The following AUTS2 variants were observed in gnomAD, a reference collection of about 807,000 sequenced individuals.
The protein encoded by AUTS2 is activator of transcription and developmental regulator AUTS2.
Under a neutral mutation model 112.4 loss-of-function variants are expected in AUTS2, and 17 were observed. That is an observed-to-expected ratio of 0.15 (90% CI 0.10 to 0.23). The LOEUF is 0.23. Ranked by LOEUF, AUTS2 falls within the 10% of genes least tolerant of loss-of-function variation. The pLI, the probability that AUTS2 is intolerant of heterozygous loss-of-function variation, is 1.00. For synonymous variants in AUTS2, 751 were observed against 702.7 expected (o/e 1.07, Z -1.09); for missense variants, 1,510 against 1,701.6 (o/e 0.89, Z 1.98).
At chr7:70,717,314 G>A (rs1354011967) in intron 6 of AUTS2, among the ~76,000 whole-genome samples, 1 of 152,086 alleles carries the variant, frequency 6.6e-6, no homozygotes, top group Non-Finnish European at 1.5e-5. Flanking sequence ...CGAAGTAGCT[G>A]GAACTACAGG....
chr7:70,500,913 GGGTT>G (rs1798748249), intron 5 of AUTS2, among the ~76,000 whole-genome samples: 1 of 151,922 alleles, frequency 6.6e-6, no homozygotes, highest in African/African-American at 2.4e-5. Context: ...AGTAGAGATG[GGGTT>G]TCACCATGTT....
intron 4 of AUTS2, among the ~76,000 whole-genome samples, chr7:70,151,402 A>AGT (rs1807432319): frequency 6.6e-6 from 1 of 152,162 alleles, no homozygotes; most frequent in African/African-American, 2.4e-5. Context: ...TCAAGTACAT[A>AGT]GTAGGGTCTT....
intron 2 of AUTS2, among the ~76,000 whole-genome samples, chr7:69,985,385 C>G (rs1002830106): frequency 6.6e-6 from 1 of 152,116 alleles, no homozygotes; most frequent in Non-Finnish European, 1.5e-5. Context: ...AGTGGTGGTA[C>G]AAACAACGGG....
chr7:69,738,000 T>C (rs1787106829), intron 1 of AUTS2, among the ~76,000 whole-genome samples: 1 of 152,190 alleles, frequency 6.6e-6, no homozygotes, highest in Admixed American at 6.5e-5. Flanking sequence ...CTCAAAATAC[T>C]GTGTTTATGG....
chr7:70,180,526 A>G (rs1809241063), intron 4 of AUTS2, among the ~76,000 whole-genome samples: 1 of 152,132 alleles, frequency 6.6e-6, no homozygotes. Context: ...TTTGTTTTTA[A>G]TTACAGTCAT....
In AUTS2 at chr7:69,892,741, A is replaced by G. The variant is rs1794582978; in HGVS notation, c.310-6545A>G. 1.3e-5 allele frequency among the ~76,000 whole-genome samples: 2 copies of G among 152,326 alleles called. 1 individual carries two copies. The highest frequency in any genetic ancestry group is 1.3e-4 in the Admixed American group (2 of 15,302). On this transcript the variant is annotated intron_variant, in intron 1 of 18. Transcript: ENST00000342771. ...TAGAAATTTTATGGTTTTAGGTTTT[A>G]CATTCAGGTTTATAATATAGTTTGT...
intron 4 of AUTS2, among the ~76,000 whole-genome samples, chr7:70,387,464 T>TA (rs1793664748): frequency 6.6e-6 from 1 of 152,216 alleles, no homozygotes; most frequent in African/African-American, 2.4e-5. Context: ...CCCACTCTTT[T>TA]ATCTGTCTAT....
chr7:69,897,958 ATG>A (rs1162219738), intron 1 of AUTS2, among the ~76,000 whole-genome samples: 1 of 152,176 alleles, frequency 6.6e-6, no homozygotes, highest in Non-Finnish European at 1.5e-5. Flanking sequence ...TTAAGGAGAA[ATG>A]AGTAAAAGGA....
At chr7:70,341,857 G>T (rs1436928682) in intron 4 of AUTS2, among the ~76,000 whole-genome samples, 1 of 152,218 alleles carries the variant, frequency 6.6e-6, no homozygotes, top group Non-Finnish European at 1.5e-5. Flanking sequence ...TGCAAGTTTG[G>T]CTGGAGAAGG....
chr7:70,089,017 A>G (rs1335952890), intron 2 of AUTS2, among the ~76,000 whole-genome samples: 1 of 152,176 alleles, frequency 6.6e-6, no homozygotes, highest in Non-Finnish European at 1.5e-5. Context: ...GACTCAGACT[A>G]TGGTCTGTCT....
At chr7:70,447,803 G>A (rs1330360837) in intron 5 of AUTS2, among the ~76,000 whole-genome samples, 1 of 152,234 alleles carries the variant, frequency 6.6e-6, no homozygotes, top group African/African-American at 2.4e-5. Context: ...AAGATGTTTT[G>A]TGATGAGCTT....
intron 6 of AUTS2, among the ~76,000 whole-genome samples, chr7:70,705,606 T>G (rs972205072): frequency 6.6e-6 from 1 of 152,146 alleles, no homozygotes; most frequent in Non-Finnish European, 1.5e-5. Flanking sequence ...AACTCAGAGG[T>G]GCTGTTCCAC....
intron 4 of AUTS2, among the ~76,000 whole-genome samples, chr7:70,178,777 C>A (rs995629201): frequency 6.6e-6 from 1 of 151,518 alleles, no homozygotes; most frequent in Non-Finnish European, 1.5e-5. Flanking sequence ...CCAACCTGGG[C>A]GACAGAGGGA....
chr7:70,705,313 A>G (rs191690647), intron 6 of AUTS2, among the ~76,000 whole-genome samples: 1 of 152,352 alleles, frequency 6.6e-6, no homozygotes, highest in East Asian at 1.9e-4. Context: ...AGGAAATGCC[A>G]GAAAACTTCA....
chr7:70,591,747 C>T (rs930049486), intron 5 of AUTS2, among the ~76,000 whole-genome samples: 1 of 152,188 alleles, frequency 6.6e-6, no homozygotes, highest in Non-Finnish European at 1.5e-5. Context: ...CTCCCCCCAC[C>T]TGCAACATAC....
intron 1 of AUTS2, among the ~76,000 whole-genome samples, chr7:69,711,198 C>T (rs1477585508): frequency 6.6e-6 from 1 of 152,112 alleles, no homozygotes; most frequent in Admixed American, 6.6e-5. Context: ...TTATGTGGTT[C>T]TATCCCATTG....
At chr7:70,094,315 G>A (rs1439994271) in intron 2 of AUTS2, among the ~76,000 whole-genome samples, 1 of 152,220 alleles carries the variant, frequency 6.6e-6, no homozygotes, top group Admixed American at 6.5e-5. Flanking sequence ...GAACCCATTA[G>A]TAGTGTCCTG....
rs116837438 is a variant in AUTS2 at position 70,782,107 on chromosome 7, A to G, written c.2146+351A>G. 359 of 253,210 alleles carry G rather than the reference A, an allele frequency of 1.4e-3. 3 individuals carry two copies. The highest frequency in any genetic ancestry group is 6.6e-3 in the African/African-American group (292 of 44,112). The allele number at this position is 253,210 out of a possible 1,614,324, so 15.7% of individuals were successfully genotyped here. On this transcript the variant is annotated intron_variant, in intron 15 of 18. Transcript: ENST00000342771. ...AGATCGGAAGGAAACAATGCCAGGA[A>G]TTATAGAAGGATGCGGTCGCCCTTA...
chr7:70,500,778 G>C (rs1488401269), intron 5 of AUTS2, among the ~76,000 whole-genome samples: 1 of 151,840 alleles, frequency 6.6e-6, no homozygotes, highest in African/African-American at 2.4e-5. Context: ...CTGGAGTGCA[G>C]CAGCATGATC....
Sources: gnomAD v4.1 joint callset for allele counts (sites outside exome capture counted in the v4.1 genomes callset) on GRCh38, gnomAD v4.1.1 for gene constraint, MANE v1.5 for transcripts, NCBI Gene and HGNC (gene_info 2026-07-23, HGNC 2026-07-21) for gene names.